C12orf42: variants seen among roughly 807,000 people sequenced by gnomAD.
The protein encoded by C12orf42 is uncharacterized protein C12orf42.
C12orf42 carries 25 observed loss-of-function variants against 21.6 expected under a neutral mutation model. That is an observed-to-expected ratio of 1.16 (90% CI 0.84 to 1.62). C12orf42 has a LOEUF of 1.62. Among genes scored for constraint, C12orf42 ranks in the 40% most tolerant of loss-of-function variants. C12orf42 has a pLI of 0.00. For missense variants in C12orf42, 483 were observed against 459.3 expected (o/e 1.05, Z -0.47); for synonymous variants, 174 against 175.0 (o/e 0.99, Z 0.05).
intron 2 of C12orf42, among the ~76,000 whole-genome samples, chr12:103,475,925 C>T (rs1190232035): frequency 6.6e-6 from 1 of 152,200 alleles, no homozygotes; most frequent in Non-Finnish European, 1.5e-5. Context: ...CACCTTTATT[C>T]TCCTGGGATT....
intron 2 of C12orf42, among the ~76,000 whole-genome samples, chr12:103,437,358 C>G (rs10778248): frequency 6.6e-6 from 1 of 151,644 alleles, no homozygotes; most frequent in Non-Finnish European, 1.5e-5. Flanking sequence ...AAAAAGCAAG[C>G]GCAAACACAT....
the C12orf42 span, among the ~76,000 whole-genome samples, chr12:103,146,141 A>C: frequency 6.6e-6 from 1 of 152,070 alleles, no homozygotes; most frequent in Non-Finnish European, 1.5e-5. Flanking sequence ...CATACATATT[A>C]TGTAATTAAA....
At chr12:103,098,624 T>C in the C12orf42 span, among the ~76,000 whole-genome samples, 1 of 152,222 alleles carries the variant, frequency 6.6e-6, no homozygotes, top group African/African-American at 2.4e-5. Flanking sequence ...CTTGACATCG[T>C]GCAGCTTCAT....
rs545377085 is a variant in C12orf42, at chr12:103,240,845, C to G, written c.*1367-2943G>C. On this transcript the variant is annotated intron_variant and NMD_transcript_variant, in intron 10 of 10. Coordinates refer to the C12orf42 transcript ENST00000547347. ...GGCTCCTAGAAGTCAGGGACTGTGG[C>G]TTTCTTGACTCTGTATCCTAAGCAC... 5.9e-5 allele frequency among the ~76,000 whole-genome samples: 9 copies of G among 152,236 alleles called. No individual in the cohort carries two copies. The South Asian group carries it at 1.5e-3, about 25-fold the overall frequency.
At chr12:103,178,376 C>T in the C12orf42 span, 4 of 152,134 alleles carry the variant, frequency 2.6e-5, no homozygotes, top group Non-Finnish European at 4.4e-5. Flanking sequence ...TAAGCTGCCT[C>T]GTTAGTGAAG....
chr12:103,486,436 T>C (rs1052776373), intron 1 of C12orf42, among the ~76,000 whole-genome samples: 2 of 150,434 alleles, frequency 1.3e-5, no homozygotes, highest in African/African-American at 2.4e-5. Flanking sequence ...AAAATTCTCT[T>C]TTTTTTTTGT....
the C12orf42 span, among the ~76,000 whole-genome samples, chr12:103,202,714 G>A: frequency 7.9e-5 from 12 of 152,178 alleles, no homozygotes; most frequent in Non-Finnish European, 1.5e-4. Context: ...TAGGGCTCAG[G>A]CAGCAAGCTT....
chr12:103,482,114 C>G (rs1426171811), intron 1 of C12orf42, among the ~76,000 whole-genome samples: 2 of 151,966 alleles, frequency 1.3e-5, no homozygotes, highest in African/African-American at 4.8e-5. Context: ...TTGCAGTCAA[C>G]TATTATTTTG....
intron 2 of C12orf42, among the ~76,000 whole-genome samples, chr12:103,461,432 AATAC>A (rs1952689940): frequency 6.6e-6 from 1 of 152,192 alleles, no homozygotes; most frequent in Non-Finnish European, 1.5e-5. Flanking sequence ...GAAGTTGAAT[AATAC>A]ATTTCTGATG....
At chr12:103,392,948 G>C (rs1461424971) in intron 3 of C12orf42, among the ~76,000 whole-genome samples, 7 of 152,162 alleles carry the variant, frequency 4.6e-5, no homozygotes, top group Non-Finnish European at 1.0e-4. Flanking sequence ...GTGGCAGGTG[G>C]TATCAGGTAT....
At chr12:103,328,274 C>G (rs1017521017) in intron 4 of C12orf42, among the ~76,000 whole-genome samples, 2 of 151,944 alleles carry the variant, frequency 1.3e-5, no homozygotes, top group Middle Eastern at 3.2e-3. Flanking sequence ...ACTAAATGCT[C>G]TAATAGGACT....
At chr12:103,130,905 T>A in the C12orf42 span, among the ~76,000 whole-genome samples, 1 of 152,144 alleles carries the variant, frequency 6.6e-6, no homozygotes, top group Non-Finnish European at 1.5e-5. Flanking sequence ...TACCAACTAG[T>A]CAATGGTGTA....
chr12:103,399,814 T>A (rs2047843290), intron 3 of C12orf42, among the ~76,000 whole-genome samples: 1 of 152,080 alleles, frequency 6.6e-6, no homozygotes, highest in Admixed American at 6.6e-5. Flanking sequence ...CTGGAATACA[T>A]ACACACAGAC....
the C12orf42 span, among the ~76,000 whole-genome samples, chr12:103,196,532 G>T: frequency 6.6e-6 from 1 of 152,104 alleles, no homozygotes; most frequent in Non-Finnish European, 1.5e-5. Flanking sequence ...CTATTAGTGG[G>T]ATATTGAAGT....
the C12orf42 span, among the ~76,000 whole-genome samples, chr12:103,213,802 C>T: frequency 2.6e-5 from 4 of 152,176 alleles, no homozygotes; most frequent in African/African-American, 9.7e-5. Flanking sequence ...GACTATGAGT[C>T]CCCCAGCTGT....
chr12:103,107,667 G>A, the C12orf42 span, among the ~76,000 whole-genome samples: 14 of 151,438 alleles, frequency 9.2e-5, no homozygotes, highest in Admixed American at 8.5e-4. Context: ...GATTAAAAAT[G>A]AGTTAAACAT....
At chr12:103,406,070 C>G (rs1368878929) in intron 2 of C12orf42, among the ~76,000 whole-genome samples, 1 of 152,152 alleles carries the variant, frequency 6.6e-6, no homozygotes, top group African/African-American at 2.4e-5. Flanking sequence ...GCAACAGACC[C>G]AATGCCTTTC....
chr12:103,173,195 A>T, the C12orf42 span, among the ~76,000 whole-genome samples: 6 of 152,292 alleles, frequency 3.9e-5, no homozygotes, highest in East Asian at 1.2e-3. Flanking sequence ...GCATCTATAT[A>T]GCCTGTATAT....
At chr12:103,352,847 G>C (rs905892788) in intron 4 of C12orf42, among the ~76,000 whole-genome samples, 2 of 152,114 alleles carry the variant, frequency 1.3e-5, no homozygotes, top group Non-Finnish European at 2.9e-5. Flanking sequence ...TTGAGGAAAA[G>C]TGTCATAACA....
Sources: allele counts gnomAD v4.1 joint callset (sites outside exome capture counted in the v4.1 genomes callset), GRCh38; gene constraint gnomAD v4.1.1; transcripts MANE v1.5; gene names NCBI Gene and HGNC (gene_info 2026-07-23, HGNC 2026-07-21).